Variants in SERPINB9 observed in about 807,000 individuals in gnomAD.
SERPINB9 encodes the protein serpin family B member 9.
SERPINB9 carries 20 observed loss-of-function variants against 27.2 expected under a neutral mutation model. That is an observed-to-expected ratio of 0.74 (90% CI 0.52 to 1.07). SERPINB9 has a LOEUF of 1.07. SERPINB9 is among the 50% of genes least tolerant of loss of function. The pLI is 0.00. For missense variants in SERPINB9, 476 were observed against 460.1 expected, an observed-to-expected ratio of 1.03 and a Z score of -0.32; for synonymous variants, 189 against 180.0, an observed-to-expected ratio of 1.05 and a Z score of -0.40.
intron 4 of SERPINB9, among the ~76,000 whole-genome samples, chr6:2,893,874 T>C (rs1767908577): frequency 6.6e-6 from 1 of 152,112 alleles, no homozygotes; most frequent in South Asian, 2.1e-4. Flanking sequence ...TTGTCTCACA[T>C]GGTTAATTGG....
intron 1 of SERPINB9, among the ~76,000 whole-genome samples, chr6:2,901,064 C>G (rs919816602): frequency 2.0e-4 from 31 of 152,240 alleles, no homozygotes; most frequent in African/African-American, 7.5e-4. Flanking sequence ...TGGGCACCAG[C>G]CTGTGGCCTC....
At chr6:2,900,097 C>G (rs1768144105) in intron 2 of SERPINB9, 1 of 369,242 alleles carries the variant, frequency 2.7e-6, no homozygotes, top group African/African-American at 2.1e-5. Context: ...GTTACAAAGT[C>G]TCTTGCTCCA....
chr6:2,893,450 G>C lies in SERPINB9; in HGVS notation c.528C>G (p.Asp176Glu). The C allele has an allele frequency of 6.2e-7, 1 of 1,612,540 alleles. No individual in the cohort carries two copies. Residue 176 changes from aspartate (D) to glutamate (E), a missense_variant, in exon 5 of 7, where the codon GAC (aspartate) becomes GAG (glutamate). Transcript: ENST00000380698. The stretch of plus-strand genomic sequence containing the variant: ...AGGGCATTTCCCTTGTGTATGTTTC[G>C]TCAAACGGTTCATTCCACTTTCCTT... ...YFKGKWNEPF[D>E]ETYTREMPFK...
intron 1 of SERPINB9, 41 bp from the exon 2 acceptor site, chr6:2,900,662 C>G: frequency 6.4e-7 from 1 of 1,569,638 alleles, no homozygotes; most frequent in Non-Finnish European, 8.7e-7. Flanking sequence ...TTCCACACTC[C>G]CTGAATGTTA....
chr6:2,902,183 A>C (rs994009039), intron 1 of SERPINB9, among the ~76,000 whole-genome samples: 1 of 152,172 alleles, frequency 6.6e-6, no homozygotes, highest in African/African-American at 2.4e-5. Flanking sequence ...TCCCCCTTAG[A>C]AGGCCCCATG....
chr6:2,890,076 C>G lies in SERPINB9; in HGVS notation c.*87G>C. On this transcript the variant is annotated 3_prime_UTR_variant, in exon 7 of 7. Coordinates refer to ENST00000380698, the MANE Select transcript of SERPINB9 (RefSeq NM_004155.6). This position sits in a 1 kb window ranked among gnomAD's most constrained non-coding sequence, Gnocchi z 6.2. ...AATCTGCCCTCATCTTTGCACTTGGCTTTCTAGGCCCATCCTCTTGGAGCT... is the reference window on the plus strand; with the variant it reads ...AATCTGCCCTCATCTTTGCACTTGGGTTTCTAGGCCCATCCTCTTGGAGCT... 7.1e-7 allele frequency: 1 copy of G among 1,399,024 alleles called. No homozygotes were observed. The highest frequency in any genetic ancestry group is 1.4e-5 in the South Asian group (1 of 71,570). 86.7% of individuals were successfully genotyped at this position (1,399,024 alleles called of 1,614,324 possible).
chr6:2,892,049 A>G, intron 5 of SERPINB9, 61 bp from the exon 6 acceptor site: 1 of 1,498,260 alleles, frequency 6.7e-7, no homozygotes, highest in Non-Finnish European at 9.0e-7. Flanking sequence ...AGTTGCCTCC[A>G]AGAGTGTTTT....
chr6:2,890,012 G>A lies in SERPINB9; in HGVS notation c.*151C>T, dbSNP rs995513960. On this transcript the variant is annotated 3_prime_UTR_variant, in exon 7 of 7. Transcript: ENST00000380698. This position sits in a 1 kb window ranked among gnomAD's most constrained non-coding sequence, Gnocchi z 6.2. ...AGCATAAGCGAGTGTGGAGCATCAT[G>A]AATTCATGCTGGCAAATCATGAGGG... 1.1e-5 allele frequency: 7 copies of A among 625,474 alleles called. No homozygotes were observed. The highest frequency in any genetic ancestry group is 6.1e-5 in the Admixed American group (2 of 33,024). The allele number at this position is 625,474 out of a possible 1,614,324, so 38.7% of individuals were successfully genotyped here.
At chr6:2,895,700 A>G (rs1767972859) in intron 3 of SERPINB9, among the ~76,000 whole-genome samples, 192 bp from the exon 4 acceptor site, 1 of 152,158 alleles carries the variant, frequency 6.6e-6, no homozygotes, top group Non-Finnish European at 1.5e-5. Context: ...ATAACCAGAA[A>G]TGAACTTGAG....
intron 2 of SERPINB9, 33 bp downstream of exon 2, chr6:2,900,411 C>T: frequency 6.2e-7 from 1 of 1,609,880 alleles, no homozygotes; most frequent in South Asian, 1.1e-5. Context: ...CAGCCCAGGC[C>T]AGTCCCTGCT....
At position 2,890,784 on chromosome 6, in the gene SERPINB9, C is replaced by A. The variant is rs1767772866; in HGVS notation, c.724-214G>T. 1.3e-5 allele frequency among the ~76,000 whole-genome samples: 2 copies of A among 152,176 alleles called. No individual in the cohort carries two copies. Among genetic ancestry groups the A allele is most frequent in the African/African-American group, 4.8e-5 (2 of 41,424 alleles). Reference sequence around the variant, plus strand: ...ACAAGGGGGAGAGACACCAAGCAGTCAGAGGCAGGAAGGCTGTGGCTGTCC... The same window carrying A: ...ACAAGGGGGAGAGACACCAAGCAGTAAGAGGCAGGAAGGCTGTGGCTGTCC... On this transcript the variant is annotated intron_variant, in intron 6 of 6. Coordinates refer to ENST00000380698, the MANE Select transcript of SERPINB9 (RefSeq NM_004155.6). The surrounding 1 kb of genome is among the most constrained non-coding windows in gnomAD (Gnocchi z 6.2).
chr6:2,890,337 A>G lies in SERPINB9; in HGVS notation c.957T>C (p.Phe319=). Residue 319 remains phenylalanine (F), a synonymous_variant, in exon 7 of 7, where the codon TTT becomes TTC. Transcript: ENST00000380698. The surrounding 1 kb of genome is among the most constrained non-coding windows in gnomAD (Gnocchi z 6.2). ...CGGTGCCTTCTTCATTCACCTCCACAAAACTCTTGTGCACGAACTTGGACA... is the reference window on the plus strand; with the variant it reads ...CGGTGCCTTCTTCATTCACCTCCACGAAACTCTTGTGCACGAACTTGGACA... ...LCLSKFVHKS[F]VEVNEEGTEA... is the part of the protein sequence containing the mutation. 6.2e-7 allele frequency: 1 copy of G among 1,614,206 alleles called. No individual in the cohort carries two copies. Among genetic ancestry groups the G allele is most frequent in the Admixed American group, 1.7e-5 (1 of 60,030 alleles).
intron 1 of SERPINB9, among the ~76,000 whole-genome samples, chr6:2,902,969 T>C (rs903169880): frequency 6.6e-6 from 1 of 152,016 alleles, no homozygotes; most frequent in African/African-American, 2.4e-5. Flanking sequence ...CGAGGAGACA[T>C]CCGGGAGGGA....
At position 2,890,509 on chromosome 6, in the gene SERPINB9, C is replaced by G. The variant is rs1164408152; in HGVS notation, c.785G>C (p.Ser262Thr). Residue 262 changes from serine to threonine, a missense_variant, in exon 7 of 7, where the codon AGT becomes ACT. By Grantham distance (58) the Ser-to-Thr change is moderately conservative. Coordinates refer to ENST00000380698, the MANE Select transcript of SERPINB9 (RefSeq NM_004155.6). The surrounding 1 kb of genome is among the most constrained non-coding windows in gnomAD (Gnocchi z 6.2). ...TGGAAGGAGAACTTCAACCTCAGTACTCTTCATACAGTCTGGCTTGGTCCA... is the reference window on the plus strand; with the variant it reads ...TGGAAGGAGAACTTCAACCTCAGTAGTCTTCATACAGTCTGGCTTGGTCCA... ...TAWTKPDCMK[S>T]TEVEVLLPKF... 1.2e-6 allele frequency: 2 copies of G among 1,614,092 alleles called. No homozygotes were observed. The highest frequency in any genetic ancestry group is 1.7e-6 in the Non-Finnish European group (2 of 1,180,036).
rs57141452 is a variant in SERPINB9 at position 2,893,187 on chromosome 6, C to CATAT, written c.567+220_567+223dup. On this transcript the variant is annotated intron_variant, in intron 5 of 6. Transcript: ENST00000380698. ...AGTTAAGAGCAGTGATAAAACACTACATATATATATATATATTATATATAC... is the reference window on the plus strand; with the variant it reads ...AGTTAAGAGCAGTGATAAAACACTACATATATATATATATATATATTATATATAC... 3.4e-4 allele frequency among the ~76,000 whole-genome samples: 16 copies of CATAT among 47,092 alleles called. No homozygotes were observed. In the East Asian group the frequency reaches 8.8e-3, roughly 26 times the overall value. The allele number at this position is 47,092 out of a possible 152,430, so 30.9% of individuals were successfully genotyped here. A position where few individuals can be genotyped will look rare whatever the true frequency, so the allele number is the denominator to read the frequency against.
chr6:2,898,269 A>G (rs1020845159), intron 2 of SERPINB9, among the ~76,000 whole-genome samples: 1 of 152,168 alleles, frequency 6.6e-6, no homozygotes. Context: ...TATAACATAG[A>G]AAAAAGAGGA....
intron 5 of SERPINB9, 87 bp downstream of exon 5, chr6:2,893,324 G>A (rs1479188268): frequency 1.0e-5 from 14 of 1,348,824 alleles, no homozygotes; most frequent in Non-Finnish European, 1.4e-5. Flanking sequence ...TTTGGCTTAC[G>A]CTTATGTCAC....
At chr6:2,892,913 T>A (rs577502264) in intron 5 of SERPINB9, among the ~76,000 whole-genome samples, 5 of 151,940 alleles carry the variant, frequency 3.3e-5, no homozygotes, top group Non-Finnish European at 7.4e-5. Flanking sequence ...AATACTGAAT[T>A]AATGATAATT....
intron 1 of SERPINB9, among the ~76,000 whole-genome samples, chr6:2,901,189 GC>G (rs1440554059): frequency 1.3e-5 from 2 of 152,326 alleles, no homozygotes; most frequent in East Asian, 3.9e-4. Context: ...GTCCTGGACA[GC>G]CGGGGTGGAG....
Sources: gnomAD v4.1 joint callset for allele counts (sites outside exome capture counted in the v4.1 genomes callset) on GRCh38, gnomAD v4.1.1 for gene constraint, Gnocchi (gnomAD v3.1) non-coding constraint, MANE v1.5 for transcripts, NCBI Gene and HGNC (gene_info 2026-07-23, HGNC 2026-07-21) for gene names.